Variants in PODXL2 observed in about 807,000 individuals in gnomAD.
PODXL2 encodes podocalyxin like 2.
PODXL2 carries 17 observed loss-of-function variants against 53.4 expected under a neutral mutation model. The ratio of observed to expected loss-of-function variants is 0.32; its 90% CI spans 0.22 to 0.48. The LOEUF is 0.48. Among genes scored for constraint, PODXL2 ranks in the 20% least tolerant of loss-of-function variants. The pLI is 0.99. For missense variants in PODXL2, 673 were observed against 760.0 expected (o/e 0.89, Z 1.35); for synonymous variants, 311 against 306.7 (o/e 1.01, Z -0.15).
At chr3:127,668,655 T>A in intron 5 of PODXL2, 58 bp downstream of exon 5, 1 of 1,418,966 alleles carries the variant, frequency 7.0e-7, no homozygotes, top group Non-Finnish European at 9.3e-7. Flanking sequence ...GGGCGGCCCC[T>A]GAGGGTCACG....
Position 127,671,426 on chromosome 3 carries a change from A to C in PODXL2, c.1426-8A>C. ...TCAGCTGAGGAAACTGGCCCCTCCC[A>C]CCCCTAGATTGGCATCCAGAACTAT... On this transcript the variant is annotated splice_polypyrimidine_tract_variant and splice_region_variant and intron_variant, in intron 6 of 7. Coordinates refer to ENST00000342480, the MANE Select transcript of PODXL2 (RefSeq NM_015720.4). The C allele has an allele frequency of 2.5e-6, 4 of 1,611,712 alleles. No homozygotes were observed. The highest frequency in any genetic ancestry group is 3.4e-6 in the Non-Finnish European group (4 of 1,178,366).
At chr3:127,642,698 A>T (rs1359797691) in intron 2 of PODXL2, among the ~76,000 whole-genome samples, 1 of 152,204 alleles carries the variant, frequency 6.6e-6, no homozygotes, top group Non-Finnish European at 1.5e-5. Context: ...TGTACAAAAC[A>T]TATGTGTACG....
At chr3:127,644,642 C>A in intron 2 of PODXL2, among the ~76,000 whole-genome samples, 1 of 152,198 alleles carries the variant, frequency 6.6e-6, no homozygotes, top group East Asian at 1.9e-4. Flanking sequence ...ATGTCTCTTC[C>A]TCTCCCATTT....
In PODXL2 at chr3:127,669,991, G is replaced by A. The variant is rs148377007; in HGVS notation, c.1425+789G>A. 5.8e-4 allele frequency among the ~76,000 whole-genome samples: 89 copies of A among 152,338 alleles called. No homozygotes were observed. In the East Asian group the frequency reaches 0.013, roughly 22 times the overall value. ...TCATCAGCCCTCTCCACTCCCGAAG[G>A]TGCTGCCATTTTTGGCAGGAGAGAT... On this transcript the variant is annotated intron_variant, in intron 6 of 7. Transcript: ENST00000342480.
At chr3:127,670,874 T>C (rs1228387488) in intron 6 of PODXL2, among the ~76,000 whole-genome samples, 1 of 152,182 alleles carries the variant, frequency 6.6e-6, no homozygotes, top group African/African-American at 2.4e-5. Context: ...GGCAGCTACA[T>C]GCCAGCAGTG....
chr3:127,635,903 G>A (rs372687449), intron 1 of PODXL2, among the ~76,000 whole-genome samples: 150 of 152,322 alleles, frequency 9.8e-4, no homozygotes, highest in African/African-American at 3.5e-3. Flanking sequence ...ACCTTTGCTG[G>A]TCTTGTCTGG....
Position 127,629,250 on chromosome 3 carries a change from CCGCCGCTGCTTT to C in PODXL2, c.42_53del (p.Ser15_Leu18del), listed in dbSNP as rs1166605606. 3 of 1,008,022 alleles carry C rather than the reference CCGCCGCTGCTTT, an allele frequency of 3.0e-6. No individual in the cohort carries two copies. The highest frequency in any genetic ancestry group is 1.8e-5 in the African/African-American group (1 of 57,050). 62.4% of individuals were successfully genotyped at this position (1,008,022 alleles called of 1,614,324 possible). On this transcript the variant is annotated inframe_deletion, in exon 1 of 8. Coordinates refer to ENST00000342480, the MANE Select transcript of PODXL2 (RefSeq NM_015720.4). This position sits in a 1 kb window ranked among gnomAD's most constrained non-coding sequence, Gnocchi z 6.4. ...CCGGCTGCTGCGGGCCGCCCGGCTG[CCGCCGCTGCTTT>C]CGCCGCTGCTGCTTCTGCTGGTTGG...
intron 1 of PODXL2, among the ~76,000 whole-genome samples, chr3:127,637,277 G>T (rs1576426654): frequency 1.3e-5 from 2 of 152,154 alleles, no homozygotes; most frequent in Admixed American, 1.3e-4. Context: ...CTTAGCCCCG[G>T]CGTTGGCTTT....
At chr3:127,638,765 T>G (rs1317541677) in intron 1 of PODXL2, among the ~76,000 whole-genome samples, 1 of 152,226 alleles carries the variant, frequency 6.6e-6, no homozygotes, top group Non-Finnish European at 1.5e-5. Flanking sequence ...GATACTGTAT[T>G]GCTGAAATAC....
At chr3:127,667,494 G>A (rs1293563658) in intron 4 of PODXL2, among the ~76,000 whole-genome samples, 1 of 152,248 alleles carries the variant, frequency 6.6e-6, no homozygotes, top group African/African-American at 2.4e-5. Flanking sequence ...GGCTGCTGGG[G>A]AGGAGCCGGA....
At chr3:127,655,476 CTGAG>C (rs1410367718) in intron 2 of PODXL2, among the ~76,000 whole-genome samples, 2 of 152,120 alleles carry the variant, frequency 1.3e-5, no homozygotes, top group African/African-American at 4.8e-5. Context: ...CCACAGTTAA[CTGAG>C]TGTTTACTCT....
At chr3:127,665,237 G>C (rs1370865205) in intron 4 of PODXL2, among the ~76,000 whole-genome samples, 1 of 152,060 alleles carries the variant, frequency 6.6e-6, no homozygotes, top group Non-Finnish European at 1.5e-5. Flanking sequence ...ATAGTTCCTC[G>C]GCCTTTCTTT....
At chr3:127,645,771 G>T (rs1427560519) in intron 2 of PODXL2, among the ~76,000 whole-genome samples, 1 of 152,260 alleles carries the variant, frequency 6.6e-6, no homozygotes, top group East Asian at 1.9e-4. Flanking sequence ...AGTCAGGCTG[G>T]TGTAGGAGGC....
chr3:127,634,004 G>A (rs1043835855), intron 1 of PODXL2, among the ~76,000 whole-genome samples: 7 of 152,078 alleles, frequency 4.6e-5, no homozygotes, highest in African/African-American at 7.2e-5. Context: ...TGTCTGAAGC[G>A]TAGAGTATGA....
intron 7 of PODXL2, 119 bp from the exon 8 acceptor site, chr3:127,672,149 C>G (rs1203689479): frequency 5.8e-6 from 4 of 690,356 alleles, no homozygotes; most frequent in Non-Finnish European, 7.4e-6. Flanking sequence ...AAAGAAGGAT[C>G]TGGCACCTGT....
intron 4 of PODXL2, chr3:127,665,926 T>C (rs1045237160): frequency 2.1e-6 from 1 of 469,766 alleles, no homozygotes; most frequent in Non-Finnish European, 4.3e-6. Context: ...AGGAAAGGTA[T>C]TTAGAAACTA....
At chr3:127,670,561 C>G (rs1479977261) in intron 6 of PODXL2, among the ~76,000 whole-genome samples, 2 of 152,196 alleles carry the variant, frequency 1.3e-5, no homozygotes, top group Non-Finnish European at 2.9e-5. Flanking sequence ...GTGAATCTAG[C>G]AAGAAAAACT....
rs1369843518 is a variant in PODXL2, at chr3:127,660,356, A to C, written c.350-22A>C. 10 of 1,599,248 alleles carry C rather than the reference A, an allele frequency of 6.3e-6. No homozygotes were observed. In the Admixed American group the frequency reaches 1.5e-4, roughly 24 times the overall value. ...CAATGAATGATGAAACAAGTGAATG[A>C]ACTTTTCATCTCTGTCCTTAGATTA... On this transcript the variant is annotated intron_variant, in intron 2 of 7. Transcript: ENST00000342480.
intron 1 of PODXL2, among the ~76,000 whole-genome samples, chr3:127,630,047 A>G (rs2074533369): frequency 6.6e-6 from 1 of 151,896 alleles, no homozygotes; most frequent in Non-Finnish European, 1.5e-5. Context: ...TGTGAAAGGG[A>G]TGTGTCTGCC....
Sources: allele counts gnomAD v4.1 joint callset (sites outside exome capture counted in the v4.1 genomes callset), GRCh38; gene constraint gnomAD v4.1.1; non-coding constraint Gnocchi (gnomAD v3.1); transcripts MANE v1.5; gene names NCBI Gene and HGNC (gene_info 2026-07-23, HGNC 2026-07-21).